Variants in SLAMF1 observed in about 807,000 individuals in gnomAD.
The protein encoded by SLAMF1 is signaling lymphocytic activation molecule.
A neutral mutation model predicts 35.1 loss-of-function variants in SLAMF1; 18 were observed. The observed-to-expected ratio is 0.51, with a 90% CI of 0.35 to 0.76. The LOEUF (loss-of-function observed/expected upper bound fraction) is 0.76. SLAMF1 is among the 30% of genes least tolerant of loss of function. The pLI is 0.01. For missense variants in SLAMF1, 392 were observed against 413.0 expected (o/e 0.95, Z 0.44); for synonymous variants, 168 against 157.2 (o/e 1.07, Z -0.51).
chr1:160,643,449 C>T (rs548853565), intron 1 of SLAMF1, among the ~76,000 whole-genome samples: 1 of 152,078 alleles, frequency 6.6e-6, no homozygotes. Flanking sequence ...TTGCTCCTCT[C>T]GGGAAAAATT....
intron 3 of SLAMF1, among the ~76,000 whole-genome samples, chr1:160,625,086 A>G (rs1281914771): frequency 3.9e-5 from 6 of 152,212 alleles, no homozygotes; most frequent in Admixed American, 3.9e-4. Context: ...AACCTCAAGA[A>G]CTAGAGCTTG....
In SLAMF1 at chr1:160,637,419, C is replaced by A. The variant is rs1660512805; in HGVS notation, c.187G>T (p.Val63Phe). ...NKSMNKSIHI[V>F]VTMAKSLENS... ...TCCAGTGATTTTGCCATTGTGACGA[C>A]AATGTGGATGCTTTTGTTCATGCTC... is the stretch of plus-strand genomic sequence containing the variant. Residue 63 changes from valine (V) to phenylalanine (F), a missense_variant, in exon 2 of 7, where the codon GTC becomes TTC. Physicochemically the swap from Val to Phe is conservative, Grantham distance 50. Transcript: ENST00000302035. 1 of 1,613,996 alleles carries A rather than the reference C, an allele frequency of 6.2e-7. No homozygotes were observed. The highest frequency in any genetic ancestry group is 1.3e-5 in the African/African-American group (1 of 74,922).
chr1:160,619,803 C>T lies in SLAMF1; in HGVS notation c.837G>A (p.Thr279=), dbSNP rs747581992. 52 of 1,612,310 alleles carry T rather than the reference C, an allele frequency of 3.2e-5. No homozygotes were observed. In the South Asian group the frequency reaches 4.8e-4, roughly 15 times the overall value. Residue 279 remains threonine (T), a synonymous_variant, in exon 5 of 7, where the codon ACG becomes ACA. Coordinates refer to ENST00000302035, the MANE Select transcript of SLAMF1 (RefSeq NM_003037.5). ...CTGGTTTCTGGACTTGGGCATAGATCGTAAGGCTTTTTTTTTCCACTGTTG... is the reference window on the plus strand; with the variant it reads ...CTGGTTTCTGGACTTGGGCATAGATTGTAAGGCTTTTTTTTTCCACTGTTG... ...YQTTVEKKSL[T]IYAQVQKPGP... is the part of the protein sequence containing the mutation.
At chr1:160,615,734 G>A (rs11590346) in intron 5 of SLAMF1, 5,084 of 351,124 alleles carry the variant, frequency 0.014, 68 homozygotes, top group African/African-American at 0.032. Context: ...GGTCATCCTG[G>A]ATTAGAATAA....
Position 160,634,789 on chromosome 1 carries a change from C to T in SLAMF1, c.524G>A (p.Ser175Asn). ...TVEKGDHVAYSWSEKAGTHPL... is the reference protein window; with the variant it reads ...TVEKGDHVAYNWSEKAGTHPL... ...GTGGGTGCCCGCCTTTTCACTCCAG[C>T]TGTAAGCCACATGGTCCCCCTTCTC... is the stretch of plus-strand genomic sequence containing the variant. The change falls in exon 3 of 7, where the codon AGC becomes AAC. Residue 175 changes from serine to asparagine, a missense_variant. Physicochemically the swap from Ser to Asn is conservative, Grantham distance 46. Coordinates refer to ENST00000302035, the MANE Select transcript of SLAMF1 (RefSeq NM_003037.5). 1 of 1,614,094 alleles carries T rather than the reference C, an allele frequency of 6.2e-7. No individual in the cohort carries two copies. Among genetic ancestry groups the T allele is most frequent in the Non-Finnish European group, 8.5e-7 (1 of 1,180,006 alleles).
chr1:160,644,143 C>T (rs1571020579), intron 1 of SLAMF1, among the ~76,000 whole-genome samples: 1 of 152,324 alleles, frequency 6.6e-6, no homozygotes, highest in East Asian at 1.9e-4. Flanking sequence ...ACCTTTTGGA[C>T]ATTTCTATAC....
chr1:160,610,120 T>G lies in SLAMF1; in HGVS notation c.*628A>C. On this transcript the variant is annotated 3_prime_UTR_variant, in exon 7 of 7. Transcript: ENST00000302035. The stretch of plus-strand genomic sequence containing the variant: ...GAGATCTCAAAATCATTCTTTCTGT[T>G]TATTGACTTTTTAGCTTCTGGGTTT... The G allele has an allele frequency of 2.9e-6, 1 of 341,064 alleles. No homozygotes were observed. Among genetic ancestry groups the G allele is most frequent in the South Asian group, 2.4e-5 (1 of 42,258 alleles). The allele number at this position is 341,064 out of a possible 1,614,324, so 21.1% of individuals were successfully genotyped here.
intron 5 of SLAMF1, among the ~76,000 whole-genome samples, chr1:160,613,603 A>G (rs1485719713): frequency 6.6e-6 from 1 of 152,232 alleles, no homozygotes; most frequent in African/African-American, 2.4e-5. Flanking sequence ...CTCCCTGGGT[A>G]TAGAGCCAGA....
chr1:160,616,992 C>G (rs2102226), intron 5 of SLAMF1, among the ~76,000 whole-genome samples: 54,573 of 151,808 alleles, frequency 0.36, 12,171 homozygotes, highest in East Asian at 0.65. Flanking sequence ...ACTGTCTCTA[C>G]TAAAAATACA....
intron 5 of SLAMF1, among the ~76,000 whole-genome samples, chr1:160,617,502 G>A (rs778060845): frequency 6.6e-6 from 1 of 152,042 alleles, no homozygotes; most frequent in African/African-American, 2.4e-5. Context: ...GAAAAAGAAT[G>A]CATTATATCT....
At chr1:160,616,924 G>A (rs766357134) in intron 5 of SLAMF1, among the ~76,000 whole-genome samples, 2 of 152,124 alleles carry the variant, frequency 1.3e-5, no homozygotes, top group African/African-American at 2.4e-5. Context: ...GGGATGCTGA[G>A]GCGGGCAGAT....
chr1:160,638,427 T>G (rs1235804050), intron 1 of SLAMF1, among the ~76,000 whole-genome samples: 2 of 152,210 alleles, frequency 1.3e-5, no homozygotes, highest in African/African-American at 4.8e-5. Flanking sequence ...CTCACCTACT[T>G]CAAGGCTTTG....
chr1:160,634,287 C>G, intron 3 of SLAMF1: 1 of 415,898 alleles, frequency 2.4e-6, no homozygotes, highest in Non-Finnish European at 3.2e-6. Context: ...GCCAGGCCCT[C>G]CCACCTGCAA....
intron 1 of SLAMF1, among the ~76,000 whole-genome samples, chr1:160,639,383 G>C (rs1660624246): frequency 6.6e-6 from 1 of 152,072 alleles, no homozygotes; most frequent in African/African-American, 2.4e-5. Flanking sequence ...CTGCCACCAT[G>C]CACTGCTAAT....
intron 3 of SLAMF1, among the ~76,000 whole-genome samples, chr1:160,624,505 C>T (rs1659780260): frequency 6.6e-6 from 1 of 152,176 alleles, no homozygotes; most frequent in Non-Finnish European, 1.5e-5. Context: ...TCTCTCTGCC[C>T]AGTTTCTCCA....
At chr1:160,641,917 A>C (rs1330290970) in intron 1 of SLAMF1, among the ~76,000 whole-genome samples, 6 of 152,204 alleles carry the variant, frequency 3.9e-5, no homozygotes, top group South Asian at 2.1e-4. Context: ...TACTTCGAAA[A>C]ATGAGTGATT....
At chr1:160,617,092 G>A (rs185647969) in intron 5 of SLAMF1, among the ~76,000 whole-genome samples, 7 of 151,936 alleles carry the variant, frequency 4.6e-5, no homozygotes, top group Non-Finnish European at 8.8e-5. Flanking sequence ...GGAGGCGGAG[G>A]TTGCAGTAAG....
chr1:160,624,150 CT>C lies in SLAMF1; in HGVS notation c.735del (p.Gly247ValfsTer4). 1 of 1,611,580 alleles carries C rather than the reference CT, an allele frequency of 6.2e-7. No homozygotes were observed. On this transcript the variant is annotated frameshift_variant, in exon 4 of 7. Coordinates refer to ENST00000302035, the MANE Select transcript of SLAMF1 (RefSeq NM_003037.5). LOFTEE classifies it high-confidence loss of function. The part of the protein sequence containing the change: ...TKPWAVYAGL[L>X]GGVIMILIMV... ...ATGATGAGAATCATGATGACACCCC[CT>C]AACAGCCCAGCATACACTGCCCATG...
At chr1:160,628,044 G>A (rs1318185776) in intron 3 of SLAMF1, among the ~76,000 whole-genome samples, 4 of 152,024 alleles carry the variant, frequency 2.6e-5, no homozygotes, top group South Asian at 2.1e-4. Flanking sequence ...CTCCTCATTC[G>A]CCTTCAACCA....
Sources: gnomAD v4.1 joint callset for allele counts (sites outside exome capture counted in the v4.1 genomes callset) on GRCh38, gnomAD v4.1.1 for gene constraint, MANE v1.5 for transcripts, NCBI Gene and HGNC (gene_info 2026-07-23, HGNC 2026-07-21) for gene names.